Variants in PSMA3 observed in about 807,000 individuals in gnomAD.
PSMA3 encodes the protein proteasome subunit alpha type-3.
In PSMA3, 8 loss-of-function variants were observed where a neutral mutation model predicts 40.0. The observed-to-expected ratio is 0.20, with a 90% CI of 0.12 to 0.36. PSMA3 has a LOEUF of 0.36. Among genes scored for constraint, PSMA3 ranks in the 10% least tolerant of loss-of-function variants. The probability of loss-of-function intolerance (pLI) is 1.00; values close to 1 mark genes in which losing one functional copy is unlikely to be tolerated. For missense variants in PSMA3, 219 were observed against 310.6 expected (o/e 0.70, Z 2.22); for synonymous variants, 110 against 100.0 (o/e 1.10, Z -0.59).
intron 6 of PSMA3, among the ~76,000 whole-genome samples, chr14:58,261,815 C>G (rs1202356044): frequency 6.6e-6 from 1 of 152,098 alleles, no homozygotes; most frequent in Non-Finnish European, 1.5e-5. Flanking sequence ...AAGGTCTTTC[C>G]ACGTTCCCAG....
At chr14:58,259,799 A>C (rs1692945603) in intron 5 of PSMA3, among the ~76,000 whole-genome samples, 1 of 152,176 alleles carries the variant, frequency 6.6e-6, no homozygotes, top group African/African-American at 2.4e-5. Flanking sequence ...TTGCAAGCAC[A>C]GGAACTGGTA....
In PSMA3 at chr14:58,251,992, GT is replaced by G. The variant is rs1160068110; in HGVS notation, c.105-123del. 3 of 894,140 alleles carry G rather than the reference GT, an allele frequency of 3.4e-6. No individual in the cohort carries two copies. The Admixed American group carries it at 9.9e-5, about 30-fold the overall frequency. The allele number at this position is 894,140 out of a possible 1,614,324, so 55.4% of individuals were successfully genotyped here. A position where few individuals can be genotyped will look rare whatever the true frequency, so the allele number is the denominator to read the frequency against. On this transcript the variant is annotated intron_variant, in intron 2 of 10. Coordinates refer to ENST00000216455, the MANE Select transcript of PSMA3 (RefSeq NM_002788.4). ...CACTTTAGTGTGTTTTCTCTTCCTG[GT>G]TTTCAAATGTTTTAAGGTATTTGGC...
Position 58,271,864 on chromosome 14 carries a change from A to C in PSMA3, c.737A>C (p.Glu246Ala), listed in dbSNP as rs1890636377. ...AEKYAKESLKEEDESDDDNM is the reference protein window; with the variant it reads ...AEKYAKESLKAEDESDDDNM ...TTCTCTTAACAGGAATCTCTGAAGG[A>C]AGAAGATGAATCAGATGATGATAAT... The change falls in exon 11 of 11, where the codon GAA becomes GCA. Residue 246 changes from glutamate (E) to alanine (A), a missense_variant. Transcript: ENST00000216455. The C allele has an allele frequency of 2.5e-6, 4 of 1,599,206 alleles. No individual in the cohort carries two copies. The highest frequency in any genetic ancestry group is 3.4e-6 in the Non-Finnish European group (4 of 1,167,190).
At chr14:58,269,831 G>C (rs1202937770) in intron 8 of PSMA3, 1 of 151,882 alleles carries the variant, frequency 6.6e-6, no homozygotes, top group Admixed American at 6.6e-5. Context: ...TTCTTTATGA[G>C]GTATCTTTTA....
intron 7 of PSMA3, chr14:58,265,096 C>T (rs1440436587): frequency 6.6e-6 from 1 of 151,932 alleles, no homozygotes; most frequent in Non-Finnish European, 1.5e-5. Context: ...ACCCTATCTC[C>T]CAAAACAAAA....
At chr14:58,251,327 A>C (rs969043955) in intron 2 of PSMA3, among the ~76,000 whole-genome samples, 8 of 152,208 alleles carry the variant, frequency 5.3e-5, no homozygotes, top group African/African-American at 1.9e-4. Context: ...ACTCTGTTGC[A>C]CAGACTGGTG....
intron 6 of PSMA3, among the ~76,000 whole-genome samples, chr14:58,262,571 T>A (rs1468896055): frequency 6.6e-6 from 1 of 151,888 alleles, no homozygotes; most frequent in Non-Finnish European, 1.5e-5. Flanking sequence ...TACCATTTTT[T>A]TTTTTTTTTG....
At chr14:58,246,552 C>A (rs1165318558) in intron 1 of PSMA3, among the ~76,000 whole-genome samples, 1 of 152,146 alleles carries the variant, frequency 6.6e-6, no homozygotes, top group Non-Finnish European at 1.5e-5. Context: ...GTGCGCACCA[C>A]CACGCCCAGC....
rs1187277084 is a variant in PSMA3 at position 58,247,843 on chromosome 14, T to C, written c.104+11T>C. On this transcript the variant is annotated intron_variant, in intron 2 of 10. Transcript: ENST00000216455. Reference sequence around the variant, plus strand: ...TGTGGAAAATAGTAGGTAAGAAACATTTAACCAGGTATTACATGTCTCCTT... The same window carrying C: ...TGTGGAAAATAGTAGGTAAGAAACACTTAACCAGGTATTACATGTCTCCTT... 1.3e-6 allele frequency: 2 copies of C among 1,538,592 alleles called. No homozygotes were observed. Among genetic ancestry groups the C allele is most frequent in the Non-Finnish European group, 1.8e-6 (2 of 1,118,918 alleles).
intron 6 of PSMA3, among the ~76,000 whole-genome samples, chr14:58,261,770 G>C (rs906979378): frequency 6.6e-6 from 1 of 152,058 alleles, no homozygotes; most frequent in African/African-American, 2.4e-5. Flanking sequence ...ACCATGCCTA[G>C]CTAATTTTTG....
chr14:58,265,302 A>G (rs538779228), intron 7 of PSMA3: 2 of 152,290 alleles, frequency 1.3e-5, no homozygotes, highest in Admixed American at 6.5e-5. Context: ...AGCAGTTACT[A>G]TCTGTCTTTC....
intron 1 of PSMA3, among the ~76,000 whole-genome samples, chr14:58,247,025 C>T (rs1169837780): frequency 1.3e-5 from 2 of 152,224 alleles, no homozygotes; most frequent in African/African-American, 4.8e-5. Flanking sequence ...GTGCTTGGGA[C>T]ACAGTGACCT....
chr14:58,247,396 C>A lies in PSMA3; in HGVS notation c.22-354C>A, dbSNP rs537780899. Reference sequence around the variant, plus strand: ...GAATGCCGAATGATTTGTTTGAAGTCTTTTAGTTTGTTAATGGCAGAGTTA... The same window carrying A: ...GAATGCCGAATGATTTGTTTGAAGTATTTTAGTTTGTTAATGGCAGAGTTA... On this transcript the variant is annotated intron_variant, in intron 1 of 10. Transcript: ENST00000216455. 1.4e-4 allele frequency among the ~76,000 whole-genome samples: 22 copies of A among 152,278 alleles called. No individual in the cohort carries two copies. In the East Asian group the frequency reaches 4.2e-3, roughly 29 times the overall value.
At chr14:58,256,065 G>A (rs1281215657) in intron 3 of PSMA3, among the ~76,000 whole-genome samples, 1 of 152,076 alleles carries the variant, frequency 6.6e-6, no homozygotes, top group Non-Finnish European at 1.5e-5. Context: ...TGTTGTCCAG[G>A]CTGGTTTCAA....
chr14:58,270,274 T>C (rs1890576551), intron 8 of PSMA3, 144 bp from the exon 9 acceptor site: 2 of 1,183,814 alleles, frequency 1.7e-6, no homozygotes, highest in Admixed American at 3.1e-5. Flanking sequence ...TCTCTAATGT[T>C]AAATACTATG....
rs771819970 is a variant in PSMA3, at chr14:58,247,852, G to A, written c.104+20G>A. The A allele has an allele frequency of 6.8e-7, 1 of 1,479,322 alleles. No homozygotes were observed. Among genetic ancestry groups the A allele is most frequent in the Admixed American group, 1.9e-5 (1 of 52,706 alleles). The allele number at this position is 1,479,322 out of a possible 1,614,324, so 91.6% of individuals were successfully genotyped here. A position where few individuals can be genotyped will look rare whatever the true frequency, so the allele number is the denominator to read the frequency against. On this transcript the variant is annotated intron_variant, in intron 2 of 10. Transcript: ENST00000216455. Reference sequence around the variant, plus strand: ...TAGTAGGTAAGAAACATTTAACCAGGTATTACATGTCTCCTTTTATTTTAT... The same window carrying A: ...TAGTAGGTAAGAAACATTTAACCAGATATTACATGTCTCCTTTTATTTTAT...
intron 3 of PSMA3, among the ~76,000 whole-genome samples, chr14:58,254,986 A>G (rs989467179): frequency 4.4e-4 from 67 of 152,306 alleles, no homozygotes; most frequent in African/African-American, 1.5e-3. Context: ...AAAAAAGGCT[A>G]TTAAAGATTG....
rs1566640620 is a variant in PSMA3 at position 58,257,879 on chromosome 14, A to G, written c.330+33A>G. ...GATAACATATTGAGGAACCTTTTGG[A>G]CAGTAATAGAAGTTTATTAATAAGC... is the stretch of plus-strand genomic sequence containing the variant. On this transcript the variant is annotated intron_variant, in intron 4 of 10. Coordinates refer to ENST00000216455, the MANE Select transcript of PSMA3 (RefSeq NM_002788.4). 3.1e-6 allele frequency: 5 copies of G among 1,612,244 alleles called. No homozygotes were observed. In the East Asian group the frequency reaches 1.1e-4, roughly 36 times the overall value.
At chr14:58,267,583 T>TA in intron 8 of PSMA3, 63 bp downstream of exon 8, 2 of 1,465,246 alleles carry the variant, frequency 1.4e-6, no homozygotes, top group Non-Finnish European at 1.8e-6. Flanking sequence ...ATATATATAT[T>TA]ACATTAATCC....
Sources: gnomAD v4.1 joint callset for allele counts (sites outside exome capture counted in the v4.1 genomes callset) on GRCh38, gnomAD v4.1.1 for gene constraint, MANE v1.5 for transcripts, NCBI Gene and HGNC (gene_info 2026-07-23, HGNC 2026-07-21) for gene names.